Variants in PDE4D observed in about 807,000 individuals in gnomAD.
PDE4D encodes the protein phosphodiesterase 4D, also known as 3',5'-cyclic-AMP phosphodiesterase 4D.
Under a neutral mutation model 87.4 loss-of-function variants are expected in PDE4D, and 24 were observed. That is an observed-to-expected ratio of 0.27 (90% CI 0.20 to 0.39). PDE4D has a LOEUF of 0.39. Ranked by LOEUF, PDE4D falls within the 10% of genes least tolerant of loss-of-function variation. The pLI is 1.00. For missense variants in PDE4D, 714 were observed against 1,041.0 expected (o/e 0.69, Z 4.32); for synonymous variants, 384 against 383.2 (o/e 1.00, Z -0.02).
At chr5:60,050,642 A>T (rs1582390183) in intron 2 of PDE4D, among the ~76,000 whole-genome samples, 1 of 152,184 alleles carries the variant, frequency 6.6e-6, no homozygotes, top group Admixed American at 6.5e-5. Context: ...GGGCAAAATA[A>T]CCAGCTAGCA....
chr5:60,048,124 C>A (rs1205788932), intron 2 of PDE4D, among the ~76,000 whole-genome samples: 1 of 151,866 alleles, frequency 6.6e-6, no homozygotes, highest in Admixed American at 6.6e-5. Context: ...ATGTAATGGC[C>A]TTCTTTGTCT....
intron 1 of PDE4D, among the ~76,000 whole-genome samples, chr5:59,505,556 T>C (rs1230120943): frequency 6.6e-6 from 1 of 152,188 alleles, no homozygotes; most frequent in Non-Finnish European, 1.5e-5. Context: ...ACAATAGCTG[T>C]TTAAACTACA....
At chr5:59,826,669 G>T (rs1489377704) in intron 1 of PDE4D, among the ~76,000 whole-genome samples, 2 of 152,060 alleles carry the variant, frequency 1.3e-5, no homozygotes, top group Non-Finnish European at 2.9e-5. Flanking sequence ...GAATCATAAA[G>T]ATCAGTTTCT....
intron 1 of PDE4D, among the ~76,000 whole-genome samples, chr5:60,445,555 G>C (rs1422574116): frequency 4.6e-5 from 7 of 152,110 alleles, no homozygotes; most frequent in Non-Finnish European, 1.0e-4. Flanking sequence ...GTGATCTTGG[G>C]ATGATGAAGT....
At chr5:60,159,872 A>G (rs774301971) in intron 2 of PDE4D, among the ~76,000 whole-genome samples, 2 of 152,240 alleles carry the variant, frequency 1.3e-5, no homozygotes, top group Non-Finnish European at 2.9e-5. Context: ...AGCTGCATAT[A>G]AATCCTGTCT....
intron 1 of PDE4D, among the ~76,000 whole-genome samples, chr5:59,400,641 A>G (rs1294860414): frequency 1.3e-5 from 2 of 150,938 alleles, no homozygotes; most frequent in African/African-American, 4.9e-5. Context: ...CTAGATGACG[A>G]GTTAGTGGGT....
intron 1 of PDE4D, among the ~76,000 whole-genome samples, chr5:59,756,715 C>A (rs116147520): frequency 3.3e-5 from 5 of 151,568 alleles, no homozygotes; most frequent in Non-Finnish European, 7.4e-5. Context: ...GTTTCTCAAT[C>A]GATCAAAAAA....
intron 6 of PDE4D, among the ~76,000 whole-genome samples, chr5:59,012,744 C>T (rs1006350589): frequency 5.9e-5 from 9 of 152,082 alleles, no homozygotes; most frequent in Non-Finnish European, 1.2e-4. Flanking sequence ...GACAGATCAA[C>T]GAGACAGAAA....
At chr5:59,906,429 G>A (rs562285624) in intron 3 of PDE4D, among the ~76,000 whole-genome samples, 3 of 152,218 alleles carry the variant, frequency 2.0e-5, no homozygotes, top group African/African-American at 7.2e-5. Flanking sequence ...AACAGGGTCA[G>A]GCAAACTGTG....
chr5:60,215,011 GC>G (rs1743686388), intron 1 of PDE4D, among the ~76,000 whole-genome samples: 1 of 152,092 alleles, frequency 6.6e-6, no homozygotes, highest in South Asian at 2.1e-4. Flanking sequence ...CAGTACTGAT[GC>G]AACGTTGCTA....
intron 1 of PDE4D, among the ~76,000 whole-genome samples, chr5:59,436,307 T>G (rs931986647): frequency 1.3e-5 from 2 of 152,162 alleles, no homozygotes; most frequent in African/African-American, 4.8e-5. Flanking sequence ...GTAAATATCT[T>G]TAATGCCCAA....
At position 59,261,262 on chromosome 5, in the gene PDE4D, T is replaced by C. The variant is rs114842869; in HGVS notation, c.456-45294A>G. On this transcript the variant is annotated intron_variant, in intron 1 of 14. Coordinates refer to ENST00000340635, the MANE Select transcript of PDE4D (RefSeq NM_001104631.2). Reference sequence around the variant, plus strand: ...TTCCTGCATTGAATCTGGTCTTTGATAGTCCATTCGAAAGTTTTTGTTAGA... The same window carrying C: ...TTCCTGCATTGAATCTGGTCTTTGACAGTCCATTCGAAAGTTTTTGTTAGA... Among the ~76,000 whole-genome samples, 425 of 151,974 alleles carry C rather than the reference T, an allele frequency of 2.8e-3. 2 individuals are homozygous for C. The highest frequency in any genetic ancestry group is 9.6e-3 in the African/African-American group (399 of 41,538).
chr5:59,669,358 C>T (rs932278947), intron 1 of PDE4D, among the ~76,000 whole-genome samples: 1 of 152,144 alleles, frequency 6.6e-6, no homozygotes, highest in East Asian at 1.9e-4. Flanking sequence ...GTTATCTGTC[C>T]GCCTCGGCCT....
Position 59,607,343 on chromosome 5 carries a change from T to C in PDE4D, c.455+285825A>G, listed in dbSNP as rs535332307. Among the ~76,000 whole-genome samples the C allele has an allele frequency of 3.8e-4, 58 of 152,272 alleles. 2 individuals are homozygous for C. Among genetic ancestry groups the C allele is most frequent in the Admixed American group, 3.6e-3 (55 of 15,284 alleles). On this transcript the variant is annotated intron_variant, in intron 1 of 14. Coordinates refer to ENST00000340635, the MANE Select transcript of PDE4D (RefSeq NM_001104631.2). ...GTGCCCAGCATCCATGCCCCTCCCC[T>C]TTCCTATTTATTATCAGGCTGCTGC...
chr5:58,987,672 C>G (rs979527083), intron 11 of PDE4D, among the ~76,000 whole-genome samples: 2 of 152,080 alleles, frequency 1.3e-5, no homozygotes, highest in Non-Finnish European at 2.9e-5. Flanking sequence ...AAGCATACAA[C>G]ATTTTCAACA....
chr5:59,211,200 C>T (rs1749998276), intron 2 of PDE4D, among the ~76,000 whole-genome samples: 1 of 152,086 alleles, frequency 6.6e-6, no homozygotes, highest in Non-Finnish European at 1.5e-5. Context: ...TAGACTCATG[C>T]TAATACTTAA....
chr5:59,196,290 T>A (rs1166464529), intron 2 of PDE4D, among the ~76,000 whole-genome samples: 1 of 152,176 alleles, frequency 6.6e-6, no homozygotes, highest in African/African-American at 2.4e-5. Flanking sequence ...GGTAGTAAGC[T>A]GCACAGCCAT....
intron 1 of PDE4D, among the ~76,000 whole-genome samples, chr5:59,270,823 T>C (rs1459117064): frequency 6.6e-6 from 1 of 152,160 alleles, no homozygotes; most frequent in East Asian, 1.9e-4. Flanking sequence ...CCAGAGCACG[T>C]TCTTTGAGGT....
intron 1 of PDE4D, among the ~76,000 whole-genome samples, chr5:60,481,742 T>A (rs922092193): frequency 1.3e-5 from 2 of 152,140 alleles, no homozygotes; most frequent in Non-Finnish European, 2.9e-5. Flanking sequence ...GAGAAAAATA[T>A]CCCAGGACTA....
Sources: allele counts gnomAD v4.1 joint callset (sites outside exome capture counted in the v4.1 genomes callset), GRCh38; gene constraint gnomAD v4.1.1; transcripts MANE v1.5; gene names NCBI Gene and HGNC (gene_info 2026-07-23, HGNC 2026-07-21).